DGKB: variants seen among roughly 807,000 people sequenced by gnomAD.
DGKB encodes the protein 90 kDa diacylglycerol kinase.
Under a neutral mutation model 114.3 loss-of-function variants are expected in DGKB, and 67 were observed. That is an observed-to-expected ratio of 0.59 (90% CI 0.48 to 0.72). The LOEUF (loss-of-function observed/expected upper bound fraction) is 0.72, where lower values mean the gene tolerates loss of function less well. DGKB is among the 30% of genes least tolerant of loss of function. The pLI is 0.00. For missense variants in DGKB, 907 were observed against 975.2 expected, an observed-to-expected ratio of 0.93 and a Z score of 0.93; for synonymous variants, 398 against 323.1, an observed-to-expected ratio of 1.23 and a Z score of -2.49.
chr7:14,147,158 G>A lies in DGKB; in HGVS notation c.*1973C>T, dbSNP rs1438221572. 6.6e-6 allele frequency: 1 copy of A among 152,126 alleles called. No individual in the cohort carries two copies. Among genetic ancestry groups the A allele is most frequent in the Non-Finnish European group, 1.5e-5 (1 of 68,000 alleles). The allele number at this position is 152,126 out of a possible 1,614,324, so 9.4% of individuals were successfully genotyped here. A position where few individuals can be genotyped will look rare whatever the true frequency, so the allele number is the denominator to read the frequency against. On this transcript the variant is annotated 3_prime_UTR_variant, in exon 26 of 26. Transcript: ENST00000402815. ...GTGTGTGTTACGTAACATTATGTCA[G>A]TAATGTACTTGTTACTGTTTTGAGA...
chr7:14,666,802 C>A, intron 13 of DGKB, among the ~76,000 whole-genome samples: 1 of 151,558 alleles, frequency 6.6e-6, no homozygotes, highest in East Asian at 1.9e-4. Context: ...ATTCTAAGTA[C>A]CTAAACACAG....
chr7:14,566,997 T>C (rs187768314), intron 20 of DGKB, among the ~76,000 whole-genome samples: 2 of 146,310 alleles, frequency 1.4e-5, no homozygotes, highest in Non-Finnish European at 3.0e-5. Flanking sequence ...TATTTGTGCA[T>C]TGGTTTTTTG....
intron 5 of DGKB, among the ~76,000 whole-genome samples, chr7:14,733,810 G>A (rs1586079920): frequency 1.4e-5 from 2 of 140,412 alleles, no homozygotes; most frequent in East Asian, 5.6e-4. Context: ...GGGAGGGAAG[G>A]AGGGAAGGAA....
intron 21 of DGKB, among the ~76,000 whole-genome samples, chr7:14,429,280 G>A (rs1025956590): frequency 5.3e-5 from 8 of 152,132 alleles, no homozygotes; most frequent in African/African-American, 1.7e-4. Context: ...TGGGATTAGT[G>A]GTGCCATAAG....
chr7:14,873,705 A>G lies in DGKB; in HGVS notation c.-188+28887T>C, dbSNP rs573684508. On this transcript the variant is annotated intron_variant, in intron 1 of 25. Transcript: ENST00000402815. Reference sequence around the variant, plus strand: ...TTTCAATAATATGTACATACACAACAATTTATAGTTAACTTTGAGTCCACT... The same window carrying G: ...TTTCAATAATATGTACATACACAACGATTTATAGTTAACTTTGAGTCCACT... Among the ~76,000 whole-genome samples the G allele has an allele frequency of 3.9e-5, 6 of 152,112 alleles. No individual in the cohort carries two copies. The South Asian group carries it at 1.2e-3, about 32-fold the overall frequency.
intron 1 of DGKB, among the ~76,000 whole-genome samples, chr7:14,927,533 A>T (rs1439305076): frequency 6.6e-6 from 1 of 152,024 alleles, no homozygotes; most frequent in Non-Finnish European, 1.5e-5. Flanking sequence ...CTATACAAAA[A>T]AAAGCAAACT....
At chr7:14,458,075 TA>T (rs939664419) in intron 21 of DGKB, among the ~76,000 whole-genome samples, 9 of 151,900 alleles carry the variant, frequency 5.9e-5, no homozygotes, top group African/African-American at 1.9e-4. Flanking sequence ...AAGCCTTGAT[TA>T]AAAAAAACGA....
At chr7:14,639,641 G>C (rs1811368964) in intron 13 of DGKB, among the ~76,000 whole-genome samples, 1 of 152,190 alleles carries the variant, frequency 6.6e-6, no homozygotes, top group South Asian at 2.1e-4. Flanking sequence ...TTGGATTTTT[G>C]CTGCAAAGCC....
chr7:14,676,738 C>T (rs1350595890), intron 12 of DGKB, among the ~76,000 whole-genome samples: 1 of 151,686 alleles, frequency 6.6e-6, no homozygotes. Context: ...AACCTATATC[C>T]CAAATCAGCA....
chr7:14,945,645 A>G lies in DGKB; in HGVS notation c.-188+29051T>C, dbSNP rs988604015. On this transcript the variant is annotated intron_variant, in intron 1 of 4. Coordinates refer to the DGKB transcript ENST00000437998. ...CACATATCAGAAGCAACTATATCAG[A>G]ACACATGCCACTAAACAGAGGCAAC... Among the ~76,000 whole-genome samples the G allele has an allele frequency of 6.6e-5, 10 of 151,790 alleles. No individual in the cohort carries two copies. The Admixed American group carries it at 6.6e-4, about 10-fold the overall frequency.
intron 2 of DGKB, among the ~76,000 whole-genome samples, chr7:14,781,232 C>G (rs963719777): frequency 2.3e-4 from 35 of 152,178 alleles, no homozygotes; most frequent in African/African-American, 8.4e-4. Context: ...GGGCAATATA[C>G]TGGTATAAAG....
At chr7:14,571,022 T>C (rs771147901) in intron 20 of DGKB, among the ~76,000 whole-genome samples, 1 of 152,130 alleles carries the variant, frequency 6.6e-6, no homozygotes, top group Non-Finnish European at 1.5e-5. Flanking sequence ...CATTCCTAAC[T>C]TTACCTACTA....
At chr7:14,317,799 T>C (rs1382890578) in intron 23 of DGKB, among the ~76,000 whole-genome samples, 1 of 73,970 alleles carries the variant, frequency 1.4e-5, no homozygotes, top group African/African-American at 5.1e-5. Context: ...AAAGTTCATA[T>C]GGAACCAAAA....
chr7:14,736,278 G>C, intron 4 of DGKB, 84 bp from the exon 5 acceptor site: 1 of 868,732 alleles, frequency 1.2e-6, no homozygotes. Context: ...ATTAGAAGTA[G>C]AAATGACCTC....
chr7:14,886,715 C>A (rs1174784322), intron 1 of DGKB, among the ~76,000 whole-genome samples: 1 of 151,924 alleles, frequency 6.6e-6, no homozygotes, highest in Admixed American at 6.6e-5. Flanking sequence ...CTGGCTACCA[C>A]CTTCCATCTG....
chr7:14,691,617 G>A (rs531886475), intron 9 of DGKB, among the ~76,000 whole-genome samples: 2 of 152,048 alleles, frequency 1.3e-5, no homozygotes, highest in Non-Finnish European at 2.9e-5. Flanking sequence ...TGTATTTTGT[G>A]ATCATTACAC....
At chr7:14,767,208 T>A (rs1416691894) in intron 2 of DGKB, among the ~76,000 whole-genome samples, 1 of 151,390 alleles carries the variant, frequency 6.6e-6, no homozygotes, top group Admixed American at 6.6e-5. Flanking sequence ...AAATAAAAAA[T>A]TAAAAAAAAA....
chr7:14,598,804 A>G (rs945792689), intron 17 of DGKB, among the ~76,000 whole-genome samples: 24 of 152,300 alleles, frequency 1.6e-4, no homozygotes, highest in Middle Eastern at 3.4e-3. Flanking sequence ...TTCACTATAC[A>G]TTCTTGGTAA....
chr7:14,384,346 T>C (rs963893515), intron 21 of DGKB, among the ~76,000 whole-genome samples: 2 of 152,230 alleles, frequency 1.3e-5, no homozygotes, highest in Non-Finnish European at 2.9e-5. Flanking sequence ...TTGACTTCCT[T>C]TTTTGTAAAT....
Sources: allele counts gnomAD v4.1 joint callset (sites outside exome capture counted in the v4.1 genomes callset), GRCh38; gene constraint gnomAD v4.1.1; transcripts MANE v1.5; gene names NCBI Gene and HGNC (gene_info 2026-07-23, HGNC 2026-07-21).